The following SLC9A9 variants were observed in gnomAD, a reference collection of about 807,000 sequenced individuals.
SLC9A9 encodes the protein sodium/hydrogen exchanger 9.
SLC9A9 carries 62 observed loss-of-function variants against 77.8 expected under a neutral mutation model. The observed-to-expected ratio is 0.80, with a 90% confidence interval of 0.65 to 0.98. The LOEUF (loss-of-function observed/expected upper bound fraction) is 0.98. Among genes scored for constraint, SLC9A9 ranks in the 50% least tolerant of loss-of-function variants. SLC9A9 has a pLI of 0.00. For missense variants in SLC9A9, 775 were observed against 774.9 expected, an observed-to-expected ratio of 1.00 and a Z score of 0.00; for synonymous variants, 320 against 283.5, an observed-to-expected ratio of 1.13 and a Z score of -1.29.
At chr3:143,646,375 T>C (rs1267301033) in intron 6 of SLC9A9, among the ~76,000 whole-genome samples, 4 of 148,286 alleles carry the variant, frequency 2.7e-5, no homozygotes, top group African/African-American at 2.4e-5. Flanking sequence ...TAATTTTAGG[T>C]GCATTTGCAC....
Position 143,348,501 on chromosome 3 carries a change from A to C in SLC9A9, c.1604+14983T>G, listed in dbSNP as rs902057320. Among the ~76,000 whole-genome samples the C allele has an allele frequency of 8.5e-5, 13 of 152,314 alleles. No individual in the cohort carries two copies. The East Asian group carries it at 2.5e-3, about 29-fold the overall frequency. ...TGAATTTGTAAGGATAAAAACCATG[A>C]CAAGTGCACCATATTTCTAGAAAAT... On this transcript the variant is annotated intron_variant, in intron 14 of 15. Transcript: ENST00000316549.
intron 4 of SLC9A9, among the ~76,000 whole-genome samples, chr3:143,772,171 G>T (rs2007546054): frequency 6.6e-6 from 1 of 152,104 alleles, no homozygotes; most frequent in African/African-American, 2.4e-5. Context: ...ACAAGCAAGG[G>T]TGTAGAAGTG....
intron 4 of SLC9A9, among the ~76,000 whole-genome samples, chr3:143,700,720 C>T (rs988242153): frequency 6.6e-6 from 1 of 152,228 alleles, no homozygotes; most frequent in African/African-American, 2.4e-5. Flanking sequence ...CCTCTGGACA[C>T]ATCCAGGGCT....
chr3:143,592,528 T>C (rs962895120), intron 6 of SLC9A9, among the ~76,000 whole-genome samples: 1 of 152,212 alleles, frequency 6.6e-6, no homozygotes, highest in Non-Finnish European at 1.5e-5. Flanking sequence ...AGAACACAAT[T>C]AAATTAATGA....
chr3:143,503,360 T>C (rs1458026943), intron 9 of SLC9A9: 5 of 307,118 alleles, frequency 1.6e-5, no homozygotes, highest in Non-Finnish European at 2.6e-5. Context: ...CTTAACAAAG[T>C]GGTCATTGAG....
chr3:143,419,430 A>C (rs1332910697), intron 12 of SLC9A9, among the ~76,000 whole-genome samples: 1 of 152,210 alleles, frequency 6.6e-6, no homozygotes, highest in African/African-American at 2.4e-5. Flanking sequence ...TCACTCTTGA[A>C]AATAAGGTAA....
At chr3:143,311,731 G>A (rs2031025949) in intron 14 of SLC9A9, among the ~76,000 whole-genome samples, 1 of 152,190 alleles carries the variant, frequency 6.6e-6, no homozygotes, top group Non-Finnish European at 1.5e-5. Context: ...TAATTATGGT[G>A]ACAAGGGCGG....
chr3:143,363,562 T>C lies in SLC9A9; in HGVS notation c.1526A>G (p.Glu509Gly), dbSNP rs764665349. The C allele has an allele frequency of 1.2e-6, 2 of 1,612,440 alleles. No individual in the cohort carries two copies. Among genetic ancestry groups the C allele is most frequent in the Non-Finnish European group, 1.7e-6 (2 of 1,178,904 alleles). ...CATGTTTTTATCCAAGTTATTTGCT[T>C]CCTGGGGAGAAACAATAGAAAAAGG... Reference protein sequence around the residue: ...LKEDPSSQHQEANNLDKNMTK... With the variant: ...LKEDPSSQHQGANNLDKNMTK... Residue 509 changes from glutamate to glycine, a missense_variant and splice_region_variant, in exon 14 of 16, where the codon GAA becomes GGA. By Grantham distance (98) the Glu-to-Gly change is moderately conservative. Coordinates refer to ENST00000316549, the MANE Select transcript of SLC9A9 (RefSeq NM_173653.4).
chr3:143,795,013 C>CGAT lies in SLC9A9; in HGVS notation c.520_521insATC (p.Cys174delinsTyrArg). 6.2e-7 allele frequency: 1 copy of CGAT among 1,613,870 alleles called. No homozygotes were observed. On this transcript the variant is annotated protein_altering_variant, in exon 4 of 16. Coordinates refer to ENST00000316549, the MANE Select transcript of SLC9A9 (RefSeq NM_173653.4). Reference sequence around the variant, plus strand: ...GAATGTCACTTACCCTATGACGATGCAGGAGATGGCAGTTCCCAAGAAGGC... The same window carrying CGAT: ...GAATGTCACTTACCCTATGACGATGCGATAGGAGATGGCAGTTCCCAAGAAGGC...
chr3:143,313,754 A>C (rs1157628744), intron 14 of SLC9A9, among the ~76,000 whole-genome samples: 1 of 152,268 alleles, frequency 6.6e-6, no homozygotes, highest in African/African-American at 2.4e-5. Flanking sequence ...GCTAGAGGCC[A>C]GGCAGCATCT....
At chr3:143,842,103 G>A (rs937734777) in intron 1 of SLC9A9, among the ~76,000 whole-genome samples, 16 of 152,182 alleles carry the variant, frequency 1.1e-4, no homozygotes, top group African/African-American at 3.1e-4. Context: ...AGTGCAGGCC[G>A]GGCGCGGTGG....
chr3:143,386,887 C>G (rs1576463357), intron 12 of SLC9A9, among the ~76,000 whole-genome samples: 1 of 152,152 alleles, frequency 6.6e-6, no homozygotes, highest in East Asian at 1.9e-4. Flanking sequence ...GTCACCCAGG[C>G]TGGAGTATAG....
chr3:143,647,658 T>C (rs1031450504), intron 6 of SLC9A9, among the ~76,000 whole-genome samples: 1 of 152,252 alleles, frequency 6.6e-6, no homozygotes, highest in African/African-American at 2.4e-5. Flanking sequence ...GCATATATTT[T>C]CATTTCTTGA....
chr3:143,699,342 C>A (rs1933732537), intron 4 of SLC9A9, among the ~76,000 whole-genome samples: 1 of 151,434 alleles, frequency 6.6e-6, no homozygotes, highest in Admixed American at 6.6e-5. Flanking sequence ...AAAAAAAAAG[C>A]AACTTAATAA....
chr3:143,475,657 T>TGGTGAATGCCTGTAGTCCCA (rs1301821492), intron 11 of SLC9A9, among the ~76,000 whole-genome samples: 1 of 151,748 alleles, frequency 6.6e-6, no homozygotes, highest in East Asian at 1.9e-4. Flanking sequence ...CTGGGCGTGG[T>TGGTGAATGCCTGTAGTCCCA]GGTGAATGCC....
chr3:143,484,541 T>C (rs1400923267), intron 11 of SLC9A9, among the ~76,000 whole-genome samples: 1 of 152,150 alleles, frequency 6.6e-6, no homozygotes, highest in African/African-American at 2.4e-5. Flanking sequence ...TGATACCTGA[T>C]GGGGGTCAAT....
intron 2 of SLC9A9, among the ~76,000 whole-genome samples, chr3:143,804,743 C>T (rs1485755870): frequency 6.6e-6 from 1 of 152,148 alleles, no homozygotes. Context: ...CCACTAATTC[C>T]CTTGCTGGTC....
At chr3:143,306,307 C>T (rs548827256) in intron 14 of SLC9A9, among the ~76,000 whole-genome samples, 9 of 152,300 alleles carry the variant, frequency 5.9e-5, no homozygotes, top group South Asian at 2.1e-4. Context: ...ACCACAGGCT[C>T]GCCTCATAGA....
chr3:143,473,732 T>A (rs1268606498), intron 11 of SLC9A9, among the ~76,000 whole-genome samples: 1 of 152,216 alleles, frequency 6.6e-6, no homozygotes, highest in Non-Finnish European at 1.5e-5. Context: ...CCCAATTTTT[T>A]AGAAGTTTGG....
Sources: allele counts gnomAD v4.1 joint callset (sites outside exome capture counted in the v4.1 genomes callset), GRCh38; gene constraint gnomAD v4.1.1; transcripts MANE v1.5; gene names NCBI Gene and HGNC (gene_info 2026-07-23, HGNC 2026-07-21).